TENM1: variants seen among roughly 807,000 people sequenced by gnomAD.
The protein encoded by TENM1 is teneurin-1.
A neutral mutation model predicts 174.8 loss-of-function variants in TENM1; 35 were observed. That is an observed-to-expected ratio of 0.20 (90% CI 0.15 to 0.27). TENM1 has a LOEUF of 0.27. Ranked by LOEUF, TENM1 falls within the 10% of genes least tolerant of loss-of-function variation. The probability of loss-of-function intolerance (pLI) is 1.00; values close to 1 mark genes in which losing one functional copy is unlikely to be tolerated. For missense variants in TENM1, 1,633 were observed against 2,130.1 expected (o/e 0.77, Z 4.59); for synonymous variants, 781 against 798.7 (o/e 0.98, Z 0.37).
the TENM1 span, among the ~76,000 whole-genome samples, chrX:125,185,520 C>CTTTAAAAAAAAAGACTTTAAAA: frequency 4.4e-5 from 5 of 112,482 alleles, no homozygotes; most frequent in African/African-American, 1.6e-4. Flanking sequence ...TAAAACAATG[C>CTTTAAAAAAAAAGACTTTAAAA]ATTTCATTTA....
chrX:124,826,864 T>C (rs901445113), intron 3 of TENM1, among the ~76,000 whole-genome samples: 9 of 111,589 alleles, frequency 8.1e-5, no homozygotes, highest in Non-Finnish European at 1.5e-4. Context: ...GACCAATATT[T>C]GGGAAGGTCA....
At chrX:125,108,746 G>A in the TENM1 span, among the ~76,000 whole-genome samples, 42 of 85,261 alleles carry the variant, frequency 4.9e-4, no homozygotes, top group African/African-American at 2.4e-3. Context: ...ACACACACAC[G>A]TGTATATATA....
intron 3 of TENM1, among the ~76,000 whole-genome samples, chrX:124,879,428 T>C (rs1419065725): frequency 2.7e-5 from 3 of 112,281 alleles, no homozygotes; most frequent in South Asian, 7.4e-4. Flanking sequence ...TCCAGTTCCA[T>C]GTTGCTGCAG....
At chrX:124,680,516 G>A (rs773046648) in intron 5 of TENM1, among the ~76,000 whole-genome samples, 1 of 110,703 alleles carries the variant, frequency 9.0e-6, no homozygotes, top group Non-Finnish European at 1.9e-5. Context: ...GCCCATCTGT[G>A]TATTCCTTAT....
chrX:124,852,866 A>C (rs761149939), intron 3 of TENM1, among the ~76,000 whole-genome samples: 39 of 111,798 alleles, frequency 3.5e-4, no homozygotes, highest in African/African-American at 1.2e-3. Flanking sequence ...AGCCCAGATA[A>C]ATCATTTTTC....
At chrX:124,982,511 T>C in the TENM1 span, among the ~76,000 whole-genome samples, 1 of 111,481 alleles carries the variant, frequency 9.0e-6, no homozygotes, top group African/African-American at 3.3e-5. Context: ...CATGGGGTAT[T>C]TGAAGAAGAC....
At chrX:125,144,832 G>A in the TENM1 span, among the ~76,000 whole-genome samples, 5 of 109,907 alleles carry the variant, frequency 4.5e-5, no homozygotes, top group Admixed American at 9.7e-5. Flanking sequence ...CCGCCTCCCG[G>A]GTTCAAGCGA....
the TENM1 span, among the ~76,000 whole-genome samples, chrX:125,129,689 C>T: frequency 2.7e-5 from 3 of 110,513 alleles, no homozygotes; most frequent in Non-Finnish European, 5.7e-5. Flanking sequence ...TAAGTGAGAA[C>T]ATGTGAAGTT....
At chrX:124,581,584 T>A (rs935099649) in intron 11 of TENM1, among the ~76,000 whole-genome samples, 8 of 112,391 alleles carry the variant, frequency 7.1e-5, no homozygotes, top group African/African-American at 2.6e-4. Context: ...TGAATGGTAG[T>A]TTTGTTTTAA....
At chrX:124,644,412 T>C (rs1170085872) in intron 10 of TENM1, among the ~76,000 whole-genome samples, 4 of 109,529 alleles carry the variant, frequency 3.7e-5, no homozygotes, top group African/African-American at 1.0e-4. Context: ...ACAACAGTTA[T>C]GATGAGACCA....
the TENM1 span, among the ~76,000 whole-genome samples, chrX:125,162,537 TTC>T: frequency 8.9e-6 from 1 of 112,309 alleles, no homozygotes; most frequent in Non-Finnish European, 1.9e-5. Context: ...CATCTCTTGA[TTC>T]TCTCTGTTCC....
intron 11 of TENM1, among the ~76,000 whole-genome samples, chrX:124,577,179 C>A (rs1296177904): frequency 9.0e-6 from 1 of 111,626 alleles, no homozygotes; most frequent in Non-Finnish European, 1.9e-5. Flanking sequence ...AGAGACGATA[C>A]TAGCAATCAT....
chrX:125,005,743 A>C, the TENM1 span, among the ~76,000 whole-genome samples: 1 of 110,764 alleles, frequency 9.0e-6, no homozygotes, highest in African/African-American at 3.3e-5. Flanking sequence ...GAGCAGAAGC[A>C]GGATGGGACG....
intron 11 of TENM1, among the ~76,000 whole-genome samples, chrX:124,618,952 G>A (rs1164957644): frequency 1.8e-5 from 2 of 111,222 alleles, no homozygotes; most frequent in Non-Finnish European, 3.8e-5. Flanking sequence ...GTATGGTGGA[G>A]CACACTTGTA....
chrX:124,522,826 T>A (rs2047884890), intron 17 of TENM1, among the ~76,000 whole-genome samples: 1 of 110,472 alleles, frequency 9.1e-6, no homozygotes, highest in African/African-American at 3.3e-5. Context: ...GTAGCTGGGA[T>A]TACAGGCATG....
chrX:124,622,931 A>G (rs766112877), intron 11 of TENM1, among the ~76,000 whole-genome samples: 1 of 112,272 alleles, frequency 8.9e-6, no homozygotes, highest in South Asian at 3.7e-4. Flanking sequence ...TTTAAAGGGC[A>G]TGAACACAAT....
intron 13 of TENM1, among the ~76,000 whole-genome samples, chrX:124,562,595 C>G (rs2048841873): frequency 8.9e-6 from 1 of 112,677 alleles, no homozygotes; most frequent in Non-Finnish European, 1.9e-5. Context: ...AACTTTTATC[C>G]ATTGATAAAG....
At chrX:125,016,990 T>C in the TENM1 span, among the ~76,000 whole-genome samples, 11 of 111,554 alleles carry the variant, frequency 9.9e-5, no homozygotes, top group Non-Finnish European at 1.7e-4. Flanking sequence ...ATAAATGGTG[T>C]TGGGAAAACT....
intron 3 of TENM1, among the ~76,000 whole-genome samples, chrX:124,787,679 A>G (rs2055072943): frequency 8.9e-6 from 1 of 112,290 alleles, no homozygotes; most frequent in African/African-American, 3.2e-5. Flanking sequence ...TTCTAAGATT[A>G]GACTAAAATA....
Sources: allele counts gnomAD v4.1 joint callset (sites outside exome capture counted in the v4.1 genomes callset), GRCh38; gene constraint gnomAD v4.1.1; transcripts MANE v1.5; gene names NCBI Gene and HGNC (gene_info 2026-07-23, HGNC 2026-07-21).